PAX2: variants seen among roughly 807,000 people sequenced by gnomAD.
The protein encoded by PAX2 is paired box 2.
PAX2 carries 9 observed loss-of-function variants against 41.7 expected under a neutral mutation model. The observed-to-expected ratio is 0.22, with a 90% confidence interval of 0.13 to 0.38. PAX2 has a LOEUF of 0.38. PAX2 is among the 10% of genes least tolerant of loss of function. The pLI is 1.00. For missense variants in PAX2, 418 were observed against 531.6 expected (o/e 0.79, Z 2.10); for synonymous variants, 221 against 212.7 (o/e 1.04, Z -0.34).
At chr10:100,743,036 A>G (rs906299964), upstream of PAX2, among the ~76,000 whole-genome samples, 5 of 151,288 alleles carry the variant, frequency 3.3e-5, no homozygotes, top group East Asian at 1.9e-4. Flanking sequence ...AGGGGTTCCT[A>G]ATCTCCAGGG....
At chr10:100,800,473 C>A (rs1847521879) in intron 5 of PAX2, among the ~76,000 whole-genome samples, 1 of 151,988 alleles carries the variant, frequency 6.6e-6, no homozygotes, top group South Asian at 2.1e-4. Context: ...ATGAGTCTCG[C>A]TATGTTGCCC....
In PAX2 at chr10:100,750,923, A is replaced by G. The variant is rs778832313; in HGVS notation, c.410+32A>G. ...AAGCCACCCGGGTTTTCAGGGCTGG[A>G]CTCCAGCTCCTGGCTCCTGCCTGCA... is the stretch of plus-strand genomic sequence containing the variant. On this transcript the variant is annotated intron_variant, in intron 3 of 9. Coordinates refer to ENST00000355243, the MANE Select transcript of PAX2 (RefSeq NM_000278.5). This position sits in a 1 kb window ranked among gnomAD's most constrained non-coding sequence, Gnocchi z 4.1. The G allele has an allele frequency of 2.6e-6, 4 of 1,555,358 alleles. No individual in the cohort carries two copies. Among genetic ancestry groups the G allele is most frequent in the South Asian group, 1.1e-5 (1 of 89,976 alleles).
chr10:100,744,781 C>T (rs1056003590), upstream of PAX2, among the ~76,000 whole-genome samples: 2 of 152,238 alleles, frequency 1.3e-5, no homozygotes, highest in South Asian at 2.1e-4. Flanking sequence ...CCCACCGAGG[C>T]AGGTGGGTAC....
At position 100,817,628 on chromosome 10, in the gene PAX2, C is replaced by T. The variant is rs573893365; in HGVS notation, c.920-7020C>T. Among the ~76,000 whole-genome samples the T allele has an allele frequency of 2.6e-5, 4 of 152,322 alleles. No homozygotes were observed. In the South Asian group the frequency reaches 8.3e-4, roughly 32 times the overall value. On this transcript the variant is annotated intron_variant, in intron 7 of 9. Transcript: ENST00000355243. ...CAGGGATTCAAGGTGGCAGTGGGAG[C>T]TGAGATCAACTGGAAGAGCAGCCAC...
intron 7 of PAX2, among the ~76,000 whole-genome samples, chr10:100,820,069 C>T (rs951426007): frequency 3.9e-5 from 6 of 152,170 alleles, no homozygotes; most frequent in Non-Finnish European, 8.8e-5. Flanking sequence ...TTCTTGAAGA[C>T]CCTCTTTGTT....
chr10:100,770,108 G>C (rs72843853), intron 3 of PAX2, among the ~76,000 whole-genome samples: 5 of 152,162 alleles, frequency 3.3e-5, no homozygotes, highest in African/African-American at 1.2e-4. Flanking sequence ...CTGAGTAGGC[G>C]AAAGGTAGGA....
Position 100,779,569 on chromosome 10 carries a change from C to G in PAX2, c.482C>G (p.Pro161Arg). 6.3e-7 allele frequency: 1 copy of G among 1,588,500 alleles called. No homozygotes were observed. The highest frequency in any genetic ancestry group is 8.6e-7 in the Non-Finnish European group (1 of 1,167,208). ...GGGGCTGGGACAGGAGTGACCGCCCCTGGCCACACCATTGGTAAGAGGGCT... is the reference window on the plus strand; with the variant it reads ...GGGGCTGGGACAGGAGTGACCGCCCGTGGCCACACCATTGGTAAGAGGGCT... ...PDGAGTGVTA[P>R]GHTIVPSTAS... Residue 161 changes from proline (P) to arginine (R), a missense_variant, in exon 4 of 10, where the codon CCT (proline) becomes CGT (arginine). Transcript: ENST00000355243.
chr10:100,819,529 C>T (rs373858956), intron 7 of PAX2, among the ~76,000 whole-genome samples: 231 of 152,270 alleles, frequency 1.5e-3, no homozygotes, highest in African/African-American at 5.2e-3. Context: ...GAGATCGTGC[C>T]ACTGCTCTCC....
At chr10:100,751,075 T>C (rs977337673) in intron 3 of PAX2, among the ~76,000 whole-genome samples, 184 bp downstream of exon 3, 21 of 152,320 alleles carry the variant, frequency 1.4e-4, no homozygotes, top group African/African-American at 5.1e-4. Flanking sequence ...CAGACAGGGC[T>C]GTCTGCAGTT....
chr10:100,825,864 CT>C (rs35099149), intron 8 of PAX2, among the ~76,000 whole-genome samples: 25,981 of 151,300 alleles, frequency 0.17, 2,599 homozygotes, highest in Middle Eastern at 0.34. Flanking sequence ...AAGTAGAAGC[CT>C]TGTTGGGAGG....
At chr10:100,794,762 C>G (rs1847262377) in intron 5 of PAX2, among the ~76,000 whole-genome samples, 1 of 152,214 alleles carries the variant, frequency 6.6e-6, no homozygotes, top group African/African-American at 2.4e-5. Flanking sequence ...ATGTCAGACT[C>G]AAGCTCATAT....
At chr10:100,789,560 A>G (rs1180269244) in intron 5 of PAX2, among the ~76,000 whole-genome samples, 2 of 152,182 alleles carry the variant, frequency 1.3e-5, no homozygotes, top group Non-Finnish European at 2.9e-5. Context: ...GATGGTAACC[A>G]TCTGTCTAGA....
chr10:100,824,043 A>G lies in PAX2; in HGVS notation c.920-605A>G, dbSNP rs1181950371. Among the ~76,000 whole-genome samples, 1 of 152,104 alleles carries G rather than the reference A, an allele frequency of 6.6e-6. No individual in the cohort carries two copies. Among genetic ancestry groups the G allele is most frequent in the Non-Finnish European group, 1.5e-5 (1 of 68,014 alleles). The stretch of plus-strand genomic sequence containing the variant: ...TTTCTATCATGTAAATGCCATAAAC[A>G]CTAACAGCAAAATAGCCCACTGGCT... On this transcript the variant is annotated intron_variant, in intron 7 of 9. Coordinates refer to ENST00000355243, the MANE Select transcript of PAX2 (RefSeq NM_000278.5). This position sits in a 1 kb window ranked among gnomAD's most constrained non-coding sequence, Gnocchi z 6.6.
At chr10:100,800,108 A>G (rs1480325065) in intron 5 of PAX2, among the ~76,000 whole-genome samples, 3 of 152,002 alleles carry the variant, frequency 2.0e-5, no homozygotes, top group East Asian at 3.9e-4. Flanking sequence ...ATTCTTTGCT[A>G]TACTTAAATT....
intron 5 of PAX2, among the ~76,000 whole-genome samples, chr10:100,783,739 A>G (rs1395272002): frequency 6.8e-6 from 1 of 147,044 alleles, no homozygotes; most frequent in Non-Finnish European, 1.5e-5. Context: ...TGGGAAGCTC[A>G]TGCTCCAGCA....
chr10:100,785,021 C>T (rs151179046), intron 5 of PAX2, among the ~76,000 whole-genome samples: 1 of 152,310 alleles, frequency 6.6e-6, no homozygotes, highest in African/African-American at 2.4e-5. Context: ...ACAGGCTGTC[C>T]ATCAGTCCGA....
intron 7 of PAX2, among the ~76,000 whole-genome samples, chr10:100,817,266 T>C (rs747675146): frequency 1.7e-4 from 26 of 152,156 alleles, no homozygotes; most frequent in Non-Finnish European, 3.7e-4. Context: ...TCTTCCCCTC[T>C]CTCTGAGCCT....
chr10:100,779,365 A>T, intron 3 of PAX2, 133 bp from the exon 4 acceptor site: 2 of 791,828 alleles, frequency 2.5e-6, no homozygotes, highest in Non-Finnish European at 4.4e-6. Context: ...CAGTGAGGGC[A>T]GGGACACAGG....
chr10:100,754,178 A>C (rs4638248), intron 3 of PAX2, among the ~76,000 whole-genome samples: 17,349 of 152,240 alleles, frequency 0.11, 3,055 homozygotes, highest in African/African-American at 0.38. Flanking sequence ...CTAGTTACAT[A>C]GCTGAGCAAT....
Sources: allele counts gnomAD v4.1 joint callset (sites outside exome capture counted in the v4.1 genomes callset), GRCh38; gene constraint gnomAD v4.1.1; non-coding constraint Gnocchi (gnomAD v3.1); transcripts MANE v1.5; gene names NCBI Gene and HGNC (gene_info 2026-07-23, HGNC 2026-07-21).